Variants in SNTG2 observed in about 807,000 individuals in gnomAD.
The protein encoded by SNTG2 is syntrophin gamma 2.
SNTG2 carries 74 observed loss-of-function variants against 70.9 expected under a neutral mutation model. That is an observed-to-expected ratio of 1.04 (90% CI 0.86 to 1.27). The LOEUF (loss-of-function observed/expected upper bound fraction) is 1.27, where lower values mean the gene tolerates loss of function less well. Among genes scored for constraint, SNTG2 ranks in the 50% most tolerant of loss-of-function variants. The pLI is 0.00. For missense variants in SNTG2, 717 were observed against 690.7 expected, an observed-to-expected ratio of 1.04 and a Z score of -0.43; for synonymous variants, 278 against 273.8, an observed-to-expected ratio of 1.02 and a Z score of -0.15.
chr2:1,036,033 T>C (rs1661109960), intron 1 of SNTG2, among the ~76,000 whole-genome samples: 1 of 152,238 alleles, frequency 6.6e-6, no homozygotes, highest in African/African-American at 2.4e-5. Context: ...GTGATGATAG[T>C]GGAAATATGT....
chr2:1,232,351 G>A (rs1478197461), intron 9 of SNTG2, among the ~76,000 whole-genome samples: 2 of 152,110 alleles, frequency 1.3e-5, no homozygotes, highest in African/African-American at 2.4e-5. Flanking sequence ...CCAGGCCAGA[G>A]TGCAGTGATA....
intron 1 of SNTG2, among the ~76,000 whole-genome samples, chr2:997,043 G>T (rs571801487): frequency 6.6e-6 from 1 of 152,208 alleles, no homozygotes; most frequent in African/African-American, 2.4e-5. Context: ...CACTGTTCTG[G>T]ATTCCACTCT....
intron 1 of SNTG2, among the ~76,000 whole-genome samples, chr2:1,025,278 A>G (rs888710500): frequency 6.6e-6 from 1 of 152,122 alleles, no homozygotes; most frequent in African/African-American, 2.4e-5. Flanking sequence ...TAAACATAGC[A>G]CAGGACGGGG....
chr2:1,178,615 G>T (rs1246303749), intron 8 of SNTG2, among the ~76,000 whole-genome samples: 2 of 152,140 alleles, frequency 1.3e-5, no homozygotes, highest in East Asian at 3.9e-4. Context: ...TCATTGATTT[G>T]CGTATGTTGA....
chr2:1,219,277 G>A (rs558312231), intron 9 of SNTG2, among the ~76,000 whole-genome samples: 7 of 152,276 alleles, frequency 4.6e-5, no homozygotes, highest in East Asian at 1.9e-4. Flanking sequence ...AGCAGATGTC[G>A]CCATGCTTCC....
At chr2:1,080,277 A>G (rs1158553645) in intron 1 of SNTG2, among the ~76,000 whole-genome samples, 3 of 152,198 alleles carry the variant, frequency 2.0e-5, no homozygotes, top group African/African-American at 4.8e-5. Context: ...GTTTAGCAGG[A>G]TGATATGGCC....
intron 13 of SNTG2, among the ~76,000 whole-genome samples, chr2:1,262,012 C>T (rs193105662): frequency 3.2e-4 from 49 of 152,262 alleles, no homozygotes; most frequent in East Asian, 1.9e-4. Context: ...CACGGATCTT[C>T]GGGGTAGTCC....
chr2:1,237,822 A>C (rs1676768062), intron 9 of SNTG2, 66 bp from the exon 10 acceptor site: 1 of 1,535,564 alleles, frequency 6.5e-7, no homozygotes, highest in African/African-American at 1.4e-5. Flanking sequence ...ATCAGCCTCG[A>C]AACTCACGGA....
chr2:1,073,829 C>A (rs2148145046), intron 1 of SNTG2, among the ~76,000 whole-genome samples: 1 of 152,286 alleles, frequency 6.6e-6, no homozygotes, highest in Admixed American at 6.5e-5. Context: ...GCATTCTTTT[C>A]ATTAACAAAT....
intron 1 of SNTG2, among the ~76,000 whole-genome samples, chr2:968,719 TC>T (rs1445699575): frequency 2.6e-5 from 4 of 152,200 alleles, no homozygotes; most frequent in African/African-American, 4.8e-5. Flanking sequence ...TGGGATTATT[TC>T]TTTTTTGCTT....
At chr2:1,119,606 G>A (rs1667256585) in intron 4 of SNTG2, among the ~76,000 whole-genome samples, 1 of 146,996 alleles carries the variant, frequency 6.8e-6, no homozygotes. Flanking sequence ...TAAAATAGTA[G>A]ACTATAAGAT....
chr2:965,031 G>T (rs897965523), intron 1 of SNTG2, among the ~76,000 whole-genome samples: 1 of 151,684 alleles, frequency 6.6e-6, no homozygotes, highest in African/African-American at 2.4e-5. Context: ...TCCTTTTCCT[G>T]CACCCCCAAT....
intron 12 of SNTG2, among the ~76,000 whole-genome samples, chr2:1,252,485 T>C (rs929907410): frequency 4.6e-5 from 7 of 152,186 alleles, no homozygotes; most frequent in Non-Finnish European, 8.8e-5. Flanking sequence ...ATCACTGGTG[T>C]GGAAGTTTTC....
chr2:1,024,067 T>C (rs9309723), intron 1 of SNTG2, among the ~76,000 whole-genome samples: 126,292 of 152,178 alleles, frequency 0.83, 53,547 homozygotes, highest in African/African-American at 0.96. Flanking sequence ...ACAGTCCTGC[T>C]CTCGTGGAGG....
intron 1 of SNTG2, among the ~76,000 whole-genome samples, chr2:1,077,802 T>C (rs951688544): frequency 1.3e-5 from 2 of 152,156 alleles, no homozygotes; most frequent in Admixed American, 1.3e-4. Context: ...ATGACACCCA[T>C]GTTTACAGTT....
chr2:1,209,796 G>A (rs1250018739), intron 9 of SNTG2, among the ~76,000 whole-genome samples: 1 of 152,222 alleles, frequency 6.6e-6, no homozygotes, highest in Non-Finnish European at 1.5e-5. Context: ...ACTGTGGAAA[G>A]GCCCACAAGT....
chr2:1,155,195 CCACA>C (rs1217851457), intron 6 of SNTG2, among the ~76,000 whole-genome samples: 2 of 111,966 alleles, frequency 1.8e-5, no homozygotes, highest in Non-Finnish European at 4.1e-5. Flanking sequence ...CATATATAGA[CCACA>C]CACACCCACA....
chr2:1,119,959 C>T (rs1409403644), intron 4 of SNTG2, among the ~76,000 whole-genome samples: 3 of 151,974 alleles, frequency 2.0e-5, no homozygotes, highest in African/African-American at 7.2e-5. Context: ...TCAATGATCA[C>T]CTTGAATATT....
At chr2:1,035,614 C>A (rs1661087203) in intron 1 of SNTG2, among the ~76,000 whole-genome samples, 2 of 152,122 alleles carry the variant, frequency 1.3e-5, no homozygotes, top group Admixed American at 1.3e-4. Flanking sequence ...GTTGCTATAT[C>A]TTCTTGATTT....
Sources: allele counts gnomAD v4.1 joint callset (sites outside exome capture counted in the v4.1 genomes callset), GRCh38; gene constraint gnomAD v4.1.1; transcripts MANE v1.5; gene names NCBI Gene and HGNC (gene_info 2026-07-23, HGNC 2026-07-21).